CNTN6: variants seen among roughly 807,000 people sequenced by gnomAD.
CNTN6 encodes contactin 6.
In CNTN6, 137 loss-of-function variants were observed where a neutral mutation model predicts 122.8. The observed-to-expected ratio is 1.12, with a 90% CI of 0.97 to 1.29. The LOEUF is 1.29. CNTN6 is among the 50% of genes most tolerant of loss of function. CNTN6 has a pLI of 0.00. For synonymous variants in CNTN6, 570 were observed against 426.0 expected (o/e 1.34, Z -4.16); for missense variants, 1,634 against 1,223.4 (o/e 1.34, Z -5.01).
intron 14 of CNTN6, 93 bp from the exon 15 acceptor site, chr3:1,373,511 C>T (rs3765098): frequency 0.46 from 556,298 of 1,208,988 alleles, 133,872 homozygotes; most frequent in African/African-American, 0.71. Flanking sequence ...TATTTTACTT[C>T]CTAAGCACAA....
chr3:1,308,178 T>C (rs956227909), intron 7 of CNTN6, among the ~76,000 whole-genome samples: 5 of 152,174 alleles, frequency 3.3e-5, no homozygotes, highest in African/African-American at 1.2e-4. Flanking sequence ...TGTAATTCTG[T>C]GCTACTTTGT....
intron 2 of CNTN6, among the ~76,000 whole-genome samples, chr3:1,193,587 T>A (rs2093732969): frequency 6.6e-6 from 1 of 152,130 alleles, no homozygotes; most frequent in Admixed American, 6.6e-5. Context: ...ATTACACCTT[T>A]CTTCTGATTG....
At chr3:1,243,489 G>A (rs1005607111) in intron 4 of CNTN6, among the ~76,000 whole-genome samples, 1 of 152,084 alleles carries the variant, frequency 6.6e-6, no homozygotes, top group East Asian at 1.9e-4. Flanking sequence ...TTTATTTAAT[G>A]TCGGGAGCAG....
chr3:1,331,353 A>C (rs1196236205), intron 11 of CNTN6, among the ~76,000 whole-genome samples: 1 of 152,012 alleles, frequency 6.6e-6, no homozygotes, highest in Admixed American at 6.6e-5. Context: ...TGAATGAATC[A>C]AAAAGGGTGA....
chr3:1,134,240 A>G (rs2092414575), intron 1 of CNTN6, among the ~76,000 whole-genome samples: 1 of 152,108 alleles, frequency 6.6e-6, no homozygotes, highest in South Asian at 2.1e-4. Context: ...ACTTGTCGTT[A>G]CTGAGTTGCC....
chr3:1,358,599 T>C (rs974463818), intron 12 of CNTN6, among the ~76,000 whole-genome samples: 5 of 151,674 alleles, frequency 3.3e-5, no homozygotes, highest in Non-Finnish European at 5.9e-5. Flanking sequence ...AGGAATGGGG[T>C]TGAAGGGCGT....
intron 2 of CNTN6, among the ~76,000 whole-genome samples, chr3:1,213,336 T>G (rs2094074753): frequency 6.6e-6 from 1 of 151,570 alleles, no homozygotes; most frequent in Non-Finnish European, 1.5e-5. Context: ...TTTCTTTTTT[T>G]GTGTAGGAGG....
chr3:1,147,417 G>C (rs983867063), intron 1 of CNTN6, among the ~76,000 whole-genome samples: 2 of 152,078 alleles, frequency 1.3e-5, no homozygotes, highest in Non-Finnish European at 2.9e-5. Context: ...ACAGAACATG[G>C]ACATAGATAA....
chr3:1,339,008 A>G (rs1000748510), intron 11 of CNTN6, among the ~76,000 whole-genome samples: 5 of 152,120 alleles, frequency 3.3e-5, no homozygotes, highest in African/African-American at 9.6e-5. Context: ...GAGTAATAGT[A>G]TAGAAATCAG....
intron 12 of CNTN6, among the ~76,000 whole-genome samples, chr3:1,356,044 A>G (rs1164988325): frequency 6.6e-6 from 1 of 151,808 alleles, no homozygotes; most frequent in African/African-American, 2.4e-5. Context: ...GACATGTTTC[A>G]GAGGCACAAA....
intron 12 of CNTN6, among the ~76,000 whole-genome samples, chr3:1,366,959 C>T (rs1051345110): frequency 6.6e-6 from 1 of 152,148 alleles, no homozygotes. Flanking sequence ...GGTATGTCAT[C>T]ATATCACTCC....
At chr3:1,361,857 G>A (rs553457483) in intron 12 of CNTN6, among the ~76,000 whole-genome samples, 12 of 152,250 alleles carry the variant, frequency 7.9e-5, no homozygotes, top group African/African-American at 2.4e-4. Flanking sequence ...AGAGAGGTTA[G>A]CCCCACATTC....
chr3:1,358,507 T>TC (rs908142225), intron 12 of CNTN6, among the ~76,000 whole-genome samples: 10 of 151,724 alleles, frequency 6.6e-5, no homozygotes, highest in African/African-American at 2.4e-4. Context: ...GGAAAAGACT[T>TC]CCCCAGAAGC....
rs115104533 is a variant in CNTN6 at position 1,371,124 on chromosome 3, C to G, written c.1493-1175C>G. Among the ~76,000 whole-genome samples, 487 of 152,110 alleles carry G rather than the reference C, an allele frequency of 3.2e-3. 5 individuals are homozygous for G. The highest frequency in any genetic ancestry group is 0.011 in the African/African-American group (466 of 41,516). On this transcript the variant is annotated intron_variant, in intron 12 of 22. Transcript: ENST00000446702. ...AAATGTTTAAATGGTCAAATAATAACTAAACATTCTATTGGTAAAATGCAG... is the reference window on the plus strand; with the variant it reads ...AAATGTTTAAATGGTCAAATAATAAGTAAACATTCTATTGGTAAAATGCAG...
chr3:1,142,476 C>T lies in CNTN6; in HGVS notation c.-82-5451C>T, dbSNP rs139009462. Among the ~76,000 whole-genome samples the T allele has an allele frequency of 1.4e-3, 207 of 152,118 alleles. 1 individual carries two copies. Among genetic ancestry groups the T allele is most frequent in the African/African-American group, 4.8e-3 (199 of 41,500 alleles). ...ACATAGATGGTATTCTTGTTGAGTACGTATACACTGAATTAGAAAAATACA... is the reference window on the plus strand; with the variant it reads ...ACATAGATGGTATTCTTGTTGAGTATGTATACACTGAATTAGAAAAATACA... On this transcript the variant is annotated intron_variant, in intron 1 of 22. Coordinates refer to ENST00000446702, the MANE Select transcript of CNTN6 (RefSeq NM_001289080.2).
intron 4 of CNTN6, among the ~76,000 whole-genome samples, chr3:1,262,011 A>C (rs1374641591): frequency 6.6e-6 from 1 of 152,156 alleles, no homozygotes; most frequent in East Asian, 1.9e-4. Flanking sequence ...CTATCCTTCA[A>C]ATAAATGAAA....
chr3:1,267,404 A>G (rs2094943494), intron 4 of CNTN6, among the ~76,000 whole-genome samples: 1 of 152,006 alleles, frequency 6.6e-6, no homozygotes, highest in African/African-American at 2.4e-5. Context: ...TGGTGTGTAT[A>G]TTTATGAAAT....
At chr3:1,156,344 C>A in intron 2 of CNTN6, among the ~76,000 whole-genome samples, 1 of 152,208 alleles carries the variant, frequency 6.6e-6, no homozygotes. Flanking sequence ...GTCATTTCCA[C>A]ACTCTTTGCT....
At chr3:1,342,568 T>G (rs1040789664) in intron 11 of CNTN6, among the ~76,000 whole-genome samples, 10 of 152,134 alleles carry the variant, frequency 6.6e-5, no homozygotes, top group Non-Finnish European at 1.5e-4. Context: ...CCATAAATAT[T>G]TAATTACACT....
Sources: allele counts gnomAD v4.1 joint callset (sites outside exome capture counted in the v4.1 genomes callset), GRCh38; gene constraint gnomAD v4.1.1; transcripts MANE v1.5; gene names NCBI Gene and HGNC (gene_info 2026-07-23, HGNC 2026-07-21).